PTPRF: variants seen among roughly 807,000 people sequenced by gnomAD.
PTPRF encodes protein tyrosine phosphatase receptor type F.
In PTPRF, 59 loss-of-function variants were observed where a neutral mutation model predicts 201.8. That is an observed-to-expected ratio of 0.29 (90% CI 0.24 to 0.36). The LOEUF (loss-of-function observed/expected upper bound fraction) is 0.36. PTPRF is among the 10% of genes least tolerant of loss of function. The pLI is 1.00. For synonymous variants in PTPRF, 1,088 were observed against 1,089.7 expected (o/e 1.00, Z 0.03); for missense variants, 2,132 against 2,690.5 (o/e 0.79, Z 4.59).
intron 2 of PTPRF, among the ~76,000 whole-genome samples, chr1:43,540,892 G>C (rs994494733): frequency 1.9e-4 from 29 of 152,272 alleles, no homozygotes; most frequent in African/African-American, 7.0e-4. Context: ...GGTTTGGTGA[G>C]AGCTGGAAAC....
rs967562018 is a variant in PTPRF, at chr1:43,604,021, G to C, written c.2869G>C (p.Asp957His). The C allele has an allele frequency of 4.2e-5, 67 of 1,614,104 alleles. No individual in the cohort carries two copies. Among genetic ancestry groups the C allele is most frequent in the Non-Finnish European group, 5.4e-5 (64 of 1,180,052 alleles). Reference sequence around the variant, plus strand: ...CATCAGCTACACCGTGGTGTTCCGAGACATCAACAGCCAACAGGAGCTGCA... The same window carrying C: ...CATCAGCTACACCGTGGTGTTCCGACACATCAACAGCCAACAGGAGCTGCA... ...RIISYTVVFR[D>H]INSQQELQNI... The change falls in exon 16 of 34, where the codon GAC becomes CAC. Residue 957 changes from aspartate (D) to histidine (H), a missense_variant. Physicochemically the swap from Asp to His is moderately conservative, Grantham distance 81. This residue lies in a region of PTPRF where 818 missense variants were observed against 915.3 expected (regional missense o/e 0.89). Coordinates refer to ENST00000359947, the MANE Select transcript of PTPRF (RefSeq NM_002840.5).
intron 22 of PTPRF, 82 bp from the exon 23 acceptor site, chr1:43,613,536 C>CACATGTGAACATGTGT: frequency 9.0e-7 from 1 of 1,107,354 alleles, no homozygotes; most frequent in Non-Finnish European, 1.4e-6. Flanking sequence ...TTCACATGTG[C>CACATGTGAACATGTGT]ACATACATGC....
chr1:43,579,550 G>T (rs1647175017), intron 7 of PTPRF: 3 of 299,070 alleles, frequency 1.0e-5, no homozygotes, highest in Non-Finnish European at 1.3e-5. Context: ...CGAGTGGACA[G>T]TGTGCTTTCT....
intron 12 of PTPRF, chr1:43,598,282 G>A (rs1652882224): frequency 2.0e-6 from 1 of 503,676 alleles, no homozygotes; most frequent in Non-Finnish European, 3.4e-6. Context: ...TAAGATGGGA[G>A]AAGCAGCCCT....
intron 22 of PTPRF, among the ~76,000 whole-genome samples, chr1:43,611,535 C>T (rs757183677): frequency 2.6e-5 from 4 of 152,172 alleles, no homozygotes; most frequent in Non-Finnish European, 5.9e-5. Context: ...GAATGTCAGG[C>T]TAAGGGGCTT....
At chr1:43,584,219 G>A (rs1648522422) in intron 7 of PTPRF, among the ~76,000 whole-genome samples, 2 of 152,200 alleles carry the variant, frequency 1.3e-5, no homozygotes, top group Admixed American at 1.3e-4. Flanking sequence ...GGTTTTGGGG[G>A]TTCAGGATAG....
In PTPRF at chr1:43,606,346, C is replaced by T. The variant is rs2154026490; in HGVS notation, c.3590C>T (p.Thr1197Ile). ...VAAQLDVLPE[T>I]FTLGDKKNYR... ...GCTCAACTGGATGTGCTCCCGGAGA[C>T]CTTTACCTTGGGGGACAAGAAGAAC... Residue 1197 changes from threonine to isoleucine, a missense_variant, in exon 20 of 34, where the codon ACC becomes ATC. By Grantham distance (89) the Thr-to-Ile change is moderately conservative (BLOSUM62 -1). This residue lies in a region of PTPRF where 818 missense variants were observed against 915.3 expected (regional missense o/e 0.89). Coordinates refer to ENST00000359947, the MANE Select transcript of PTPRF (RefSeq NM_002840.5). 6.2e-7 allele frequency: 1 copy of T among 1,614,114 alleles called. No homozygotes were observed. Among genetic ancestry groups the T allele is most frequent in the African/African-American group, 1.3e-5 (1 of 75,044 alleles).
rs1220528905 is a variant in PTPRF at position 43,601,559 on chromosome 1, A to T, written c.2314-512A>T. Among the ~76,000 whole-genome samples, 6 of 152,228 alleles carry T rather than the reference A, an allele frequency of 3.9e-5. No individual in the cohort carries two copies. The South Asian group carries it at 1.2e-3, about 32-fold the overall frequency. On this transcript the variant is annotated intron_variant, in intron 13 of 33. Transcript: ENST00000359947. ...CATGCCTGGGGTGATTGTGTAATGTATGATCACATCTGGGATGCTTTGGCG... is the reference window on the plus strand; with the variant it reads ...CATGCCTGGGGTGATTGTGTAATGTTTGATCACATCTGGGATGCTTTGGCG...
At chr1:43,566,097 G>A (rs1016915306) in intron 5 of PTPRF, among the ~76,000 whole-genome samples, 2 of 152,192 alleles carry the variant, frequency 1.3e-5, no homozygotes, top group African/African-American at 2.4e-5. Flanking sequence ...GCGCGTGTGC[G>A]GGGCTCTGCA....
At chr1:43,615,560 TTTTTTTTTTTTTTTTTTTTTTC>T (rs1657581072) in intron 23 of PTPRF, among the ~76,000 whole-genome samples, 1 of 61,688 alleles carries the variant, frequency 1.6e-5, no homozygotes, top group African/African-American at 5.7e-5. Flanking sequence ...TCTTTTTTTT[TTTTTTTTTTTTTTTTTTTTTTC>T]TTTTTTGGAA....
chr1:43,560,914 T>C (rs947052895), intron 5 of PTPRF, among the ~76,000 whole-genome samples: 2 of 152,084 alleles, frequency 1.3e-5, no homozygotes, highest in African/African-American at 4.8e-5. Flanking sequence ...ATACCACCTA[T>C]GCCATGCGGG....
At chr1:43,582,430 C>T (rs1474336399) in intron 7 of PTPRF, 1 of 152,470 alleles carries the variant, frequency 6.6e-6, no homozygotes, top group Non-Finnish European at 1.5e-5. Flanking sequence ...CCACCTGACT[C>T]TCCCTGAGTG....
intron 7 of PTPRF, chr1:43,579,541 G>A (rs1340026706): frequency 9.9e-6 from 3 of 304,518 alleles, no homozygotes; most frequent in Non-Finnish European, 1.9e-5. Flanking sequence ...TGCTGGGAGC[G>A]AGTGGACAGT....
intron 5 of PTPRF, among the ~76,000 whole-genome samples, chr1:43,568,865 T>C (rs953997926): frequency 6.6e-6 from 1 of 152,176 alleles, no homozygotes; most frequent in Admixed American, 6.5e-5. Context: ...CTACCAACTT[T>C]TTGTGTCTTT....
At chr1:43,526,310 G>A (rs1643106935), upstream of PTPRF, among the ~76,000 whole-genome samples, 1 of 152,102 alleles carries the variant, frequency 6.6e-6, no homozygotes, top group Non-Finnish European at 1.5e-5. Flanking sequence ...CATTAGCCAG[G>A]GCCAGGCACT....
intron 6 of PTPRF, among the ~76,000 whole-genome samples, chr1:43,576,513 A>C (rs1646940048): frequency 6.6e-6 from 1 of 152,126 alleles, no homozygotes; most frequent in Non-Finnish European, 1.5e-5. Flanking sequence ...CCATCACCTG[A>C]CCTGTCAGCT....
intron 13 of PTPRF, among the ~76,000 whole-genome samples, chr1:43,601,017 T>C (rs1653622842): frequency 6.6e-6 from 1 of 152,180 alleles, no homozygotes; most frequent in Non-Finnish European, 1.5e-5. Flanking sequence ...CCACACCCTA[T>C]AAAGTGGCCA....
chr1:43,573,789 G>C (rs904813043), intron 6 of PTPRF, among the ~76,000 whole-genome samples: 1 of 152,130 alleles, frequency 6.6e-6, no homozygotes, highest in African/African-American at 2.4e-5. Context: ...GATTCTTTCA[G>C]AATAGGTTAG....
At chr1:43,571,512 TC>T (rs1044912138) in intron 6 of PTPRF, among the ~76,000 whole-genome samples, 47 of 152,208 alleles carry the variant, frequency 3.1e-4, no homozygotes, top group African/African-American at 1.1e-3. Context: ...GACCTTCTTT[TC>T]AGACAGCTGT....
Sources: gnomAD v4.1 joint callset for allele counts (sites outside exome capture counted in the v4.1 genomes callset) on GRCh38, gnomAD v4.1.1 for gene constraint, gnomAD v4.1.1 regional missense constraint, MANE v1.5 for transcripts, NCBI Gene and HGNC (gene_info 2026-07-23, HGNC 2026-07-21) for gene names.